Variants in TMEM221 observed in about 807,000 individuals in gnomAD.
The protein encoded by TMEM221 is Putative transmembrane protein ENSP00000342162.
TMEM221 carries 11 observed loss-of-function variants against 10.2 expected under a neutral mutation model. The ratio of observed to expected loss-of-function variants is 1.08; its 90% CI spans 0.68 to 1.79. TMEM221 has a LOEUF of 1.79. Ranked by LOEUF, TMEM221 falls within the 40% of genes most tolerant of loss-of-function variation. TMEM221 has a pLI of 0.00. For synonymous variants in TMEM221, 172 were observed against 199.8 expected, an observed-to-expected ratio of 0.86 and a Z score of 1.18; for missense variants, 382 against 417.7, an observed-to-expected ratio of 0.91 and a Z score of 0.75.
intron 2 of TMEM221, 100 bp downstream of exon 2, chr19:17,445,099 C>T: frequency 9.1e-7 from 1 of 1,103,656 alleles, no homozygotes; most frequent in Non-Finnish European, 1.3e-6. Flanking sequence ...TGGAGTTGAA[C>T]TCAAGGAGGC....
At chr19:17,446,663 ATCTCC>A (rs2074954329) in intron 1 of TMEM221, among the ~76,000 whole-genome samples, 1 of 151,916 alleles carries the variant, frequency 6.6e-6, no homozygotes, top group Admixed American at 6.6e-5. Flanking sequence ...CCAAAGTCCT[ATCTCC>A]TCTCTATCCC....
rs768857123 is a variant in TMEM221, at chr19:17,445,179, C to T, written c.406+20G>A. On this transcript the variant is annotated intron_variant, in intron 2 of 2. Coordinates refer to ENST00000341130, the MANE Select transcript of TMEM221 (RefSeq NM_001190844.2). The stretch of plus-strand genomic sequence containing the variant: ...ACCCAGCCCAGGGTCCCATGCCCCA[C>T]GTTCTATTCCAGCACACACCTGCTA... 7.8e-5 allele frequency: 120 copies of T among 1,531,860 alleles called. No individual in the cohort carries two copies. Among genetic ancestry groups the T allele is most frequent in the Non-Finnish European group, 9.2e-5 (105 of 1,143,354 alleles). 94.9% of individuals were successfully genotyped at this position (1,531,860 alleles called of 1,614,324 possible).
intron 2 of TMEM221, chr19:17,444,842 G>C (rs1049185989): frequency 9.5e-6 from 1 of 105,198 alleles, no homozygotes; most frequent in African/African-American, 3.6e-5. Context: ...ATGGGGTTTT[G>C]TTATGTTGCC....
chr19:17,443,617 T>C (rs1319342208), intron 2 of TMEM221, among the ~76,000 whole-genome samples: 1 of 152,022 alleles, frequency 6.6e-6, no homozygotes, highest in Admixed American at 6.6e-5. Flanking sequence ...ATTATAGGCA[T>C]GAGCCACCGC....
intron 1 of TMEM221, among the ~76,000 whole-genome samples, chr19:17,445,910 T>C (rs1430469139): frequency 7.2e-6 from 1 of 138,106 alleles, no homozygotes; most frequent in Admixed American, 7.5e-5. Context: ...CATACAATCA[T>C]TTAGATATCC....
chr19:17,445,405 A>G (rs115570377), intron 1 of TMEM221, 121 bp from the exon 2 acceptor site: 11 of 690,022 alleles, frequency 1.6e-5, no homozygotes, highest in Non-Finnish European at 2.4e-5. Context: ...TCAGGGACCC[A>G]AAATCTATGT....
At chr19:17,439,299 A>G (rs549397596) in intron 2 of TMEM221, among the ~76,000 whole-genome samples, 1 of 152,208 alleles carries the variant, frequency 6.6e-6, no homozygotes, top group South Asian at 2.1e-4. Context: ...CCATTCTACA[A>G]TGTGGATGAA....
Position 17,448,011 on chromosome 19 carries a change from TGGA to T in TMEM221, c.320+129_320+131del, listed in dbSNP as rs1317107725. 1 of 614,016 alleles carries T rather than the reference TGGA, an allele frequency of 1.6e-6. No homozygotes were observed. Among genetic ancestry groups the T allele is most frequent in the African/African-American group, 1.9e-5 (1 of 51,598 alleles). 38.0% of individuals were successfully genotyped at this position (614,016 alleles called of 1,614,324 possible). ...AGGAAAGGAGGGAGGCAGAGAGACATGGAGTGGTGGGGAGAGGGAAGTGGGGAG... is the reference window on the plus strand; with the variant it reads ...AGGAAAGGAGGGAGGCAGAGAGACATGTGGTGGGGAGAGGGAAGTGGGGAG... On this transcript the variant is annotated intron_variant, in intron 1 of 2. Coordinates refer to ENST00000341130, the MANE Select transcript of TMEM221 (RefSeq NM_001190844.2). The surrounding 1 kb of genome is among the most constrained non-coding windows in gnomAD (Gnocchi z 4.7).
In TMEM221 at chr19:17,436,233, C is replaced by A; in HGVS notation, c.*225G>T. Reference sequence around the variant, plus strand: ...TTTCGAGGCTTCCTGGGAAGACTTCCAGGAGACACCTAGCCAGCGCTGGCC... The same window carrying A: ...TTTCGAGGCTTCCTGGGAAGACTTCAAGGAGACACCTAGCCAGCGCTGGCC... On this transcript the variant is annotated 3_prime_UTR_variant, in exon 3 of 3. Coordinates refer to ENST00000341130, the MANE Select transcript of TMEM221 (RefSeq NM_001190844.2). The A allele has an allele frequency of 1.9e-6, 1 of 514,668 alleles. No individual in the cohort carries two copies. The highest frequency in any genetic ancestry group is 3.4e-6 in the Non-Finnish European group (1 of 294,090). The allele number at this position is 514,668 out of a possible 1,614,324, so 31.9% of individuals were successfully genotyped here.
At chr19:17,440,989 C>T (rs1018371367) in intron 2 of TMEM221, among the ~76,000 whole-genome samples, 4 of 152,124 alleles carry the variant, frequency 2.6e-5, no homozygotes, top group South Asian at 4.1e-4. Context: ...GGGCGGATCA[C>T]TTGAGGCCAG....
At position 17,448,465 on chromosome 19, in the gene TMEM221, CG is replaced by C; in HGVS notation, c.-4del. 6.8e-7 allele frequency: 1 copy of C among 1,464,068 alleles called. No homozygotes were observed. The highest frequency in any genetic ancestry group is 1.3e-5 in the South Asian group (1 of 77,936). 90.7% of individuals were successfully genotyped at this position (1,464,068 alleles called of 1,614,324 possible). A position where few individuals can be genotyped will look rare whatever the true frequency, so the allele number is the denominator to read the frequency against. ...CGGCCGCCGTAAGAACGGGCCATGGCGGGGGTTCCTGCGGGCCGGGGGAAGA... is the reference window on the plus strand; with the variant it reads ...CGGCCGCCGTAAGAACGGGCCATGGCGGGGTTCCTGCGGGCCGGGGGAAGA... On this transcript the variant is annotated 5_prime_UTR_variant, in exon 1 of 3. Coordinates refer to ENST00000341130, the MANE Select transcript of TMEM221 (RefSeq NM_001190844.2). The surrounding 1 kb of genome is among the most constrained non-coding windows in gnomAD (Gnocchi z 4.7).
intron 2 of TMEM221, among the ~76,000 whole-genome samples, chr19:17,442,262 TCAA>T (rs945463272): frequency 2.6e-5 from 4 of 151,728 alleles, no homozygotes; most frequent in Admixed American, 6.6e-5. Flanking sequence ...ATTATTATTA[TCAA>T]CAACATCATT....
chr19:17,448,292 G>A lies in TMEM221; in HGVS notation c.171C>T (p.Pro57=). The change falls in exon 1 of 3, where the codon CCC becomes CCT. Residue 57 remains proline, a synonymous_variant. Transcript: ENST00000341130. This position sits in a 1 kb window ranked among gnomAD's most constrained non-coding sequence, Gnocchi z 4.7. ...EGLGQELGAG[P]GLPEDAAGTL... Reference sequence around the variant, plus strand: ...TCCCGGCCGCGTCCTCTGGCAGCCCGGGGCCGGCGCCCAGCTCCTGGCCCA... The same window carrying A: ...TCCCGGCCGCGTCCTCTGGCAGCCCAGGGCCGGCGCCCAGCTCCTGGCCCA... 3 of 1,214,768 alleles carry A rather than the reference G, an allele frequency of 2.5e-6. No homozygotes were observed. The highest frequency in any genetic ancestry group is 3.6e-5 in the South Asian group (1 of 27,688). 75.2% of individuals were successfully genotyped at this position (1,214,768 alleles called of 1,614,324 possible). A position where few individuals can be genotyped will look rare whatever the true frequency, so the allele number is the denominator to read the frequency against.
intron 2 of TMEM221, 56 bp downstream of exon 2, chr19:17,445,143 T>A (rs1035100823): frequency 6.9e-7 from 1 of 1,447,952 alleles, no homozygotes; most frequent in African/African-American, 1.4e-5. Context: ...AGGGGACCAT[T>A]GCTGCTCTCT....
In TMEM221 at chr19:17,436,194, T is replaced by G; in HGVS notation, c.*264A>C. ...TTTCGCTCTGTTCTGGCCAGTGGGA[T>G]ATAAAAAGAAGGGTTTCGAGGCTTC... On this transcript the variant is annotated 3_prime_UTR_variant, in exon 3 of 3. Transcript: ENST00000341130. 1.6e-5 allele frequency: 7 copies of G among 428,612 alleles called. No individual in the cohort carries two copies. The highest frequency in any genetic ancestry group is 2.0e-5 in the African/African-American group (1 of 49,938). 26.6% of individuals were successfully genotyped at this position (428,612 alleles called of 1,614,324 possible).
chr19:17,442,317 G>A (rs1424865892), intron 2 of TMEM221, among the ~76,000 whole-genome samples: 1 of 151,766 alleles, frequency 6.6e-6, no homozygotes, highest in African/African-American at 2.4e-5. Context: ...CTGTGCAATG[G>A]CACAATCTCG....
chr19:17,436,811 C>T lies in TMEM221; in HGVS notation c.523G>A (p.Ala175Thr). Reference sequence around the variant, plus strand: ...AGCCCACGGCGGGCAGCCCGGGCAGCCCGGAGGAGAGTGTGGGTCAGCACA... The same window carrying T: ...AGCCCACGGCGGGCAGCCCGGGCAGTCCGGAGGAGAGTGTGGGTCAGCACA... ...VAVLTHTLLR[A>T]ARAARRGLHE... Residue 175 changes from alanine to threonine, a missense_variant, in exon 3 of 3, where the codon GCT (alanine) becomes ACT (threonine). Physicochemically the swap from Ala to Thr is moderately conservative, Grantham distance 58. Coordinates refer to ENST00000341130, the MANE Select transcript of TMEM221 (RefSeq NM_001190844.2). 1 of 1,507,168 alleles carries T rather than the reference C, an allele frequency of 6.6e-7. No individual in the cohort carries two copies. The highest frequency in any genetic ancestry group is 8.8e-7 in the Non-Finnish European group (1 of 1,129,954). 93.4% of individuals were successfully genotyped at this position (1,507,168 alleles called of 1,614,324 possible). A position where few individuals can be genotyped will look rare whatever the true frequency, so the allele number is the denominator to read the frequency against.
Position 17,448,609 on chromosome 19 carries a change from G to A in TMEM221, c.-147C>T. 2.0e-6 allele frequency: 1 copy of A among 502,870 alleles called. No individual in the cohort carries two copies. Among genetic ancestry groups the A allele is most frequent in the Non-Finnish European group, 3.1e-6 (1 of 321,808 alleles). 31.2% of individuals were successfully genotyped at this position (502,870 alleles called of 1,614,324 possible). On this transcript the variant is annotated 5_prime_UTR_variant, in exon 1 of 3. Coordinates refer to ENST00000341130, the MANE Select transcript of TMEM221 (RefSeq NM_001190844.2). This position sits in a 1 kb window ranked among gnomAD's most constrained non-coding sequence, Gnocchi z 4.7. ...TGTCTGAAAGTTCGGGGACTGGGCT[G>A]GGGGTCGCCAGACGGACGGGGGCTC...
intron 2 of TMEM221, among the ~76,000 whole-genome samples, chr19:17,444,597 T>A (rs2144504075): frequency 7.1e-6 from 1 of 140,504 alleles, no homozygotes; most frequent in African/African-American, 2.6e-5. Flanking sequence ...GGGGTGATCA[T>A]GGCTCACTGC....
Sources: allele counts gnomAD v4.1 joint callset (sites outside exome capture counted in the v4.1 genomes callset), GRCh38; gene constraint gnomAD v4.1.1; non-coding constraint Gnocchi (gnomAD v3.1); transcripts MANE v1.5; gene names NCBI Gene and HGNC (gene_info 2026-07-23, HGNC 2026-07-21).